Variants in GLIPR1L1 observed in about 807,000 individuals in gnomAD.
The protein encoded by GLIPR1L1 is GLIPR1-like protein 1.
A neutral mutation model predicts 29.9 loss-of-function variants in GLIPR1L1; 26 were observed. The observed-to-expected ratio is 0.87, with a 90% CI of 0.64 to 1.21. The LOEUF is 1.21. GLIPR1L1 is among the 50% of genes most tolerant of loss of function. The pLI is 0.00. For missense variants in GLIPR1L1, 305 were observed against 290.3 expected (o/e 1.05, Z -0.37); for synonymous variants, 77 against 97.5 (o/e 0.79, Z 1.24).
chr12:75,358,804 TTA>T (rs1262728183), intron 3 of GLIPR1L1, among the ~76,000 whole-genome samples: 7 of 144,372 alleles, frequency 4.8e-5, no homozygotes, highest in Non-Finnish European at 7.6e-5. Flanking sequence ...ATATAATATA[TTA>T]TATATGTTTA....
chr12:75,345,670 T>C (rs750138744), intron 2 of GLIPR1L1, among the ~76,000 whole-genome samples: 3 of 152,146 alleles, frequency 2.0e-5, no homozygotes, highest in Non-Finnish European at 2.9e-5. Flanking sequence ...AAGTATATGG[T>C]TTGGATACTA....
Position 75,334,987 on chromosome 12 carries a change from C to T in GLIPR1L1, c.174+85C>T. 5.4e-6 allele frequency: 7 copies of T among 1,303,268 alleles called. No homozygotes were observed. The South Asian group carries it at 7.1e-5, about 13-fold the overall frequency. 80.7% of individuals were successfully genotyped at this position (1,303,268 alleles called of 1,614,324 possible). ...ATAAATTTCACGGACTTAACTTGTACTAATTCAATCCGGACTTTACATATA... is the reference window on the plus strand; with the variant it reads ...ATAAATTTCACGGACTTAACTTGTATTAATTCAATCCGGACTTTACATATA... On this transcript the variant is annotated intron_variant, in intron 1 of 5. Coordinates refer to ENST00000378695, the MANE Select transcript of GLIPR1L1 (RefSeq NM_001304964.2).
chr12:75,341,724 G>A (rs1384185321), intron 1 of GLIPR1L1, among the ~76,000 whole-genome samples: 1 of 150,534 alleles, frequency 6.6e-6, no homozygotes, highest in African/African-American at 2.4e-5. Flanking sequence ...GGGATTAAAG[G>A]CGTGAGCCAC....
intron 3 of GLIPR1L1, among the ~76,000 whole-genome samples, chr12:75,359,054 G>A (rs945722527): frequency 6.7e-6 from 1 of 150,194 alleles, no homozygotes; most frequent in Non-Finnish European, 1.5e-5. Flanking sequence ...CTACTGTATA[G>A]AAAATCCACT....
intron 3 of GLIPR1L1, among the ~76,000 whole-genome samples, chr12:75,351,145 G>C (rs532586049): frequency 3.3e-5 from 5 of 152,244 alleles, no homozygotes; most frequent in Non-Finnish European, 7.4e-5. Context: ...GACAAGATTA[G>C]AGAAAAAAGG....
rs1565971125 is a variant in GLIPR1L1, at chr12:75,347,819, A to G, written c.521+97A>G. 1.2e-5 allele frequency: 7 copies of G among 602,154 alleles called. No individual in the cohort carries two copies. The East Asian group carries it at 1.9e-4, about 16-fold the overall frequency. 37.3% of individuals were successfully genotyped at this position (602,154 alleles called of 1,614,324 possible). ...TATACTAGACACAAGTGTATTTTTG[A>G]TAAGTAATGACTCCCTCTACAATGC... On this transcript the variant is annotated intron_variant, in intron 3 of 5. Coordinates refer to ENST00000378695, the MANE Select transcript of GLIPR1L1 (RefSeq NM_001304964.2).
chr12:75,351,795 C>G (rs1421714958), intron 3 of GLIPR1L1, among the ~76,000 whole-genome samples: 1 of 152,188 alleles, frequency 6.6e-6, no homozygotes, highest in Non-Finnish European at 1.5e-5. Context: ...GATCCACCCT[C>G]CTTGGCCTCC....
intron 2 of GLIPR1L1, among the ~76,000 whole-genome samples, chr12:75,347,046 T>C (rs1277510850): frequency 6.6e-6 from 1 of 151,692 alleles, no homozygotes; most frequent in East Asian, 1.9e-4. Flanking sequence ...CTTCTTCCTT[T>C]TGAATAACTT....
In GLIPR1L1 at chr12:75,363,204, T is replaced by A; in HGVS notation, c.610+14T>A. The stretch of plus-strand genomic sequence containing the variant: ...AGAACCTCTGCAGTAAGCAAAAATA[T>A]ATATATATAATTACATTTAGAGAGT... On this transcript the variant is annotated intron_variant, in intron 4 of 5. Transcript: ENST00000378695. 8.2e-7 allele frequency: 1 copy of A among 1,212,960 alleles called. No individual in the cohort carries two copies. The highest frequency in any genetic ancestry group is 1.1e-6 in the Non-Finnish European group (1 of 895,438). The allele number at this position is 1,212,960 out of a possible 1,614,324, so 75.1% of individuals were successfully genotyped here.
intron 1 of GLIPR1L1, among the ~76,000 whole-genome samples, chr12:75,343,292 G>A (rs188496119): frequency 3.9e-4 from 60 of 151,928 alleles, no homozygotes; most frequent in African/African-American, 1.3e-3. Flanking sequence ...TCAAATTAAG[G>A]GGATTTTTTC....
chr12:75,340,295 G>A (rs937487260), intron 1 of GLIPR1L1, among the ~76,000 whole-genome samples: 11 of 151,816 alleles, frequency 7.2e-5, no homozygotes, highest in African/African-American at 2.2e-4. Flanking sequence ...AAAAAACGAC[G>A]TATTTTCCTC....
chr12:75,366,771 G>A (rs992570665), intron 4 of GLIPR1L1: 13 of 665,234 alleles, frequency 2.0e-5, no homozygotes, highest in Non-Finnish European at 3.5e-5. Context: ...ACGCTCTTAT[G>A]TGTCTCAGTT....
intron 4 of GLIPR1L1, chr12:75,364,969 C>A (rs2043868920): frequency 6.6e-6 from 1 of 152,110 alleles, no homozygotes; most frequent in Admixed American, 6.6e-5. Context: ...AAAGGTGCCA[C>A]ATAACAGCTC....
chr12:75,368,968 G>C (rs1025132401), intron 4 of GLIPR1L1, among the ~76,000 whole-genome samples: 1 of 151,834 alleles, frequency 6.6e-6, no homozygotes, highest in African/African-American at 2.4e-5. Flanking sequence ...TTCATGTGTA[G>C]TTATGTTTCA....
Position 75,337,123 on chromosome 12 carries a change from G to C in GLIPR1L1, c.174+2221G>C, listed in dbSNP as rs115139192. On this transcript the variant is annotated intron_variant, in intron 1 of 5. Coordinates refer to ENST00000378695, the MANE Select transcript of GLIPR1L1 (RefSeq NM_001304964.2). The stretch of plus-strand genomic sequence containing the variant: ...GCAAAAGAAGTGTTTGGAAGCATAC[G>C]TATAGATTTAAATGAATATTTTAGG... 3.7e-3 allele frequency among the ~76,000 whole-genome samples: 569 copies of C among 151,814 alleles called. 6 individuals carry two copies. The highest frequency in any genetic ancestry group is 0.013 in the African/African-American group (556 of 41,504).
intron 2 of GLIPR1L1, among the ~76,000 whole-genome samples, chr12:75,344,905 C>A (rs1401954998): frequency 6.6e-6 from 1 of 152,078 alleles, no homozygotes; most frequent in African/African-American, 2.4e-5. Context: ...CTAACTAATA[C>A]CCTGAGAATT....
At chr12:75,359,748 T>G (rs2043440348) in intron 3 of GLIPR1L1, 1 of 151,990 alleles carries the variant, frequency 6.6e-6, no homozygotes, top group African/African-American at 2.4e-5. Context: ...GGAAAAAAAA[T>G]TAATAAATCA....
At chr12:75,337,392 A>G (rs568465778) in intron 1 of GLIPR1L1, among the ~76,000 whole-genome samples, 30 of 152,012 alleles carry the variant, frequency 2.0e-4, no homozygotes, top group Non-Finnish European at 4.3e-4. Context: ...TCAAAAATCA[A>G]TTTTAGGAAT....
chr12:75,335,962 T>A (rs2041708413), intron 1 of GLIPR1L1, among the ~76,000 whole-genome samples: 1 of 151,978 alleles, frequency 6.6e-6, no homozygotes, highest in African/African-American at 2.4e-5. Context: ...ATAATAAATG[T>A]TCTTTATATT....
Sources: gnomAD v4.1 joint callset for allele counts (sites outside exome capture counted in the v4.1 genomes callset) on GRCh38, gnomAD v4.1.1 for gene constraint, MANE v1.5 for transcripts, NCBI Gene and HGNC (gene_info 2026-07-23, HGNC 2026-07-21) for gene names.